AOPEP: variants seen among roughly 807,000 people sequenced by gnomAD.
AOPEP encodes the protein aminopeptidase O (putative), also known as aminopeptidase O.
In AOPEP, 77 loss-of-function variants were observed where a neutral mutation model predicts 98.1. The observed-to-expected ratio is 0.78, with a 90% CI of 0.65 to 0.95. The LOEUF is 0.95. Among genes scored for constraint, AOPEP ranks in the 40% least tolerant of loss-of-function variants. The pLI, the probability that AOPEP is intolerant of heterozygous loss-of-function variation, is 0.00. For missense variants in AOPEP, 1,024 were observed against 1,024.7 expected (o/e 1.00, Z 0.01); for synonymous variants, 346 against 365.3 (o/e 0.95, Z 0.60).
At chr9:95,058,899 G>A (rs1413788902) in intron 13 of AOPEP, among the ~76,000 whole-genome samples, 1 of 152,162 alleles carries the variant, frequency 6.6e-6, no homozygotes, top group Non-Finnish European at 1.5e-5. Flanking sequence ...GAGGCTGAAG[G>A]GTGAGATGAA....
At chr9:94,957,553 T>C (rs2058549667) in intron 9 of AOPEP, among the ~76,000 whole-genome samples, 2 of 152,230 alleles carry the variant, frequency 1.3e-5, no homozygotes, top group South Asian at 4.1e-4. Context: ...ATAGCAACTT[T>C]ATTGAGATAA....
intron 13 of AOPEP, among the ~76,000 whole-genome samples, chr9:95,012,056 A>G (rs1190711006): frequency 6.6e-6 from 1 of 152,206 alleles, no homozygotes; most frequent in Admixed American, 6.5e-5. Context: ...GATCATGTAA[A>G]TGTACAATTA....
chr9:94,793,199 T>C (rs1846126437), intron 4 of AOPEP, among the ~76,000 whole-genome samples: 1 of 149,494 alleles, frequency 6.7e-6, no homozygotes, highest in African/African-American at 2.5e-5. Flanking sequence ...CCCCCGTCTC[T>C]ACTAAAAATA....
intron 5 of AOPEP, among the ~76,000 whole-genome samples, chr9:94,813,566 C>T (rs956177980): frequency 6.6e-6 from 1 of 152,212 alleles, no homozygotes; most frequent in Non-Finnish European, 1.5e-5. Flanking sequence ...CTCAGAGAGA[C>T]CTCTCTGCTC....
At position 94,928,385 on chromosome 9, in the gene AOPEP, T is replaced by C. The variant is rs928758938; in HGVS notation, c.1555-40T>C. On this transcript the variant is annotated intron_variant, in intron 6 of 16. Transcript: ENST00000375315. ...TGCACCAGGACCACAACAGTGACTG[T>C]GTTTTGTGCATGTGTGTCTGTGTGT... 5.0e-6 allele frequency: 7 copies of C among 1,394,738 alleles called. No individual in the cohort carries two copies. The Admixed American group carries it at 1.4e-4, about 28-fold the overall frequency. The allele number at this position is 1,394,738 out of a possible 1,614,324, so 86.4% of individuals were successfully genotyped here. A position where few individuals can be genotyped will look rare whatever the true frequency, so the allele number is the denominator to read the frequency against.
chr9:95,025,240 G>C (rs1802315519), intron 13 of AOPEP, among the ~76,000 whole-genome samples: 1 of 152,162 alleles, frequency 6.6e-6, no homozygotes, highest in Non-Finnish European at 1.5e-5. Flanking sequence ...CAGAAATTCT[G>C]GCTTGTCCTT....
At chr9:94,814,841 C>G (rs1199460698) in intron 5 of AOPEP, among the ~76,000 whole-genome samples, 2 of 152,190 alleles carry the variant, frequency 1.3e-5, no homozygotes, top group African/African-American at 2.4e-5. Context: ...TAATGGCTCT[C>G]AAGTCTTGAA....
intron 5 of AOPEP, among the ~76,000 whole-genome samples, chr9:94,922,944 T>C (rs1422854273): frequency 6.6e-6 from 1 of 152,226 alleles, no homozygotes; most frequent in Non-Finnish European, 1.5e-5. Context: ...AAGAAAAACC[T>C]GCGAGCAGTC....
chr9:94,947,057 A>C (rs1479381292), intron 7 of AOPEP, among the ~76,000 whole-genome samples: 1 of 145,898 alleles, frequency 6.9e-6, no homozygotes, highest in African/African-American at 2.6e-5. Context: ...GCTCACTGCA[A>C]GCTCCGCCTC....
At chr9:94,917,063 C>A (rs948670111) in intron 5 of AOPEP, among the ~76,000 whole-genome samples, 2 of 151,558 alleles carry the variant, frequency 1.3e-5, no homozygotes, top group African/African-American at 2.4e-5. Context: ...GAACCTGCCC[C>A]CACCCCACCC....
At chr9:94,942,407 G>C (rs1221324843) in intron 7 of AOPEP, among the ~76,000 whole-genome samples, 1 of 152,016 alleles carries the variant, frequency 6.6e-6, no homozygotes, top group African/African-American at 2.4e-5. Flanking sequence ...AAACTATATG[G>C]GTATTCTGCT....
the AOPEP span, chr9:95,111,152 A>G: frequency 7.2e-6 from 11 of 1,535,026 alleles, no homozygotes; most frequent in Non-Finnish European, 9.6e-6. Context: ...CACGCCTTGG[A>G]GGACGCGACC....
chr9:94,800,612 A>T, intron 4 of AOPEP, 145 bp from the exon 5 acceptor site: 1 of 832,228 alleles, frequency 1.2e-6, no homozygotes, highest in South Asian at 1.5e-5. Context: ...AGAGCCAGTC[A>T]AGCCAAGAAT....
At chr9:95,124,483 G>A in the AOPEP span, among the ~76,000 whole-genome samples, 1 of 152,266 alleles carries the variant, frequency 6.6e-6, no homozygotes, top group African/African-American at 2.4e-5. Context: ...ACAATCTTCT[G>A]CAGGGTGCGG....
intron 11 of AOPEP, among the ~76,000 whole-genome samples, chr9:94,999,421 C>A (rs955603825): frequency 2.0e-5 from 3 of 152,128 alleles, no homozygotes; most frequent in Non-Finnish European, 2.9e-5. Flanking sequence ...TTGCAATATT[C>A]AAGAAGTAAA....
chr9:94,974,300 G>A (rs1001873840), intron 10 of AOPEP, among the ~76,000 whole-genome samples: 4 of 152,174 alleles, frequency 2.6e-5, no homozygotes, highest in African/African-American at 4.8e-5. Flanking sequence ...GCATGATGCA[G>A]TGTGATGTCG....
chr9:94,738,795 C>T (rs1161710647), intron 1 of AOPEP, among the ~76,000 whole-genome samples: 2 of 151,796 alleles, frequency 1.3e-5, no homozygotes, highest in African/African-American at 2.4e-5. Context: ...AGGATGGTCT[C>T]GATCTCCTGA....
At chr9:95,032,157 G>GT (rs1218050045) in intron 13 of AOPEP, among the ~76,000 whole-genome samples, 6 of 152,300 alleles carry the variant, frequency 3.9e-5, no homozygotes, top group Admixed American at 3.3e-4. Context: ...ACACTTTATC[G>GT]TGTGTGTCTG....
At chr9:95,068,670 T>C (rs952427394) in intron 14 of AOPEP, among the ~76,000 whole-genome samples, 7 of 152,224 alleles carry the variant, frequency 4.6e-5, no homozygotes, top group African/African-American at 1.7e-4. Context: ...CTTTGTTTTG[T>C]TGAAAATCAT....
Sources: gnomAD v4.1 joint callset for allele counts (sites outside exome capture counted in the v4.1 genomes callset) on GRCh38, gnomAD v4.1.1 for gene constraint, MANE v1.5 for transcripts, NCBI Gene and HGNC (gene_info 2026-07-23, HGNC 2026-07-21) for gene names.